MPDZ: variants seen among roughly 807,000 people sequenced by gnomAD.
The protein encoded by MPDZ is multiple PDZ domain crumbs cell polarity complex component.
Under a neutral mutation model 239.1 loss-of-function variants are expected in MPDZ, and 234 were observed. The observed-to-expected ratio is 0.98, with a 90% CI of 0.88 to 1.09. The LOEUF (loss-of-function observed/expected upper bound fraction) is 1.09, where lower values mean the gene tolerates loss of function less well. MPDZ is among the 50% of genes least tolerant of loss of function. The pLI is 0.00. For synonymous variants in MPDZ, 1,048 were observed against 881.3 expected (o/e 1.19, Z -3.35); for missense variants, 3,175 against 2,510.0 (o/e 1.26, Z -5.66).
intron 27 of MPDZ, among the ~76,000 whole-genome samples, chr9:13,141,501 T>C (rs992735662): frequency 2.6e-5 from 4 of 152,310 alleles, no homozygotes; most frequent in Non-Finnish European, 4.4e-5. Flanking sequence ...CTTGAACCTA[T>C]AGTTTTCCTA....
intron 1 of MPDZ, among the ~76,000 whole-genome samples, chr9:13,267,994 A>G (rs1972134117): frequency 6.6e-6 from 1 of 152,128 alleles, no homozygotes; most frequent in African/African-American, 2.4e-5. Context: ...TTTCCTTGTG[A>G]CTCAGTTGTC....
chr9:13,266,494 T>A (rs1187420748), intron 1 of MPDZ, among the ~76,000 whole-genome samples: 1 of 152,214 alleles, frequency 6.6e-6, no homozygotes, highest in Non-Finnish European at 1.5e-5. Flanking sequence ...GTGGAGTATT[T>A]AGCAATTCAG....
At chr9:13,168,798 A>T (rs2133914167) in intron 21 of MPDZ, among the ~76,000 whole-genome samples, 1 of 152,304 alleles carries the variant, frequency 6.6e-6, no homozygotes, top group East Asian at 1.9e-4. Flanking sequence ...ACAGATCTAC[A>T]TTGTGGAATG....
rs188272123 is a variant in MPDZ, at chr9:13,116,500, T to C, written c.5380-1166A>G. 2.5e-3 allele frequency among the ~76,000 whole-genome samples: 385 copies of C among 152,322 alleles called. 1 individual carries two copies. The highest frequency in any genetic ancestry group is 0.017 in the Middle Eastern group (5 of 294). Reference sequence around the variant, plus strand: ...TTATTCTGAAGATGTTGATCATGAATCATACTCTGAAAGGTCAAAACTTGA... The same window carrying C: ...TTATTCTGAAGATGTTGATCATGAACCATACTCTGAAAGGTCAAAACTTGA... On this transcript the variant is annotated intron_variant, in intron 39 of 46. Coordinates refer to ENST00000319217, the MANE Select transcript of MPDZ (RefSeq NM_001378778.1).
At chr9:13,221,957 C>G (rs1587909993) in intron 6 of MPDZ, among the ~76,000 whole-genome samples, 1 of 151,960 alleles carries the variant, frequency 6.6e-6, no homozygotes, top group Admixed American at 6.6e-5. Context: ...TTGTATCTGT[C>G]TACAGATAAA....
Position 13,196,110 on chromosome 9 carries a change from A to C in MPDZ, c.1656+11T>G, listed in dbSNP as rs930260993. The C allele has an allele frequency of 1.9e-6, 3 of 1,552,824 alleles. No homozygotes were observed. The highest frequency in any genetic ancestry group is 1.7e-4 in the Middle Eastern group (1 of 5,956). On this transcript the variant is annotated intron_variant, in intron 13 of 46. Coordinates refer to ENST00000319217, the MANE Select transcript of MPDZ (RefSeq NM_001378778.1). The stretch of plus-strand genomic sequence containing the variant: ...ACAAGTTAGAAAATTACAGAAGGTC[A>C]GCTAACCTACCACTATTTCATAGTT...
intron 10 of MPDZ, among the ~76,000 whole-genome samples, chr9:13,214,807 C>T (rs777363249): frequency 5.3e-5 from 8 of 151,902 alleles, no homozygotes; most frequent in South Asian, 2.1e-4. Flanking sequence ...AAGCTCACTT[C>T]GGGCATATAG....
chr9:13,113,764 T>C (rs1328768332), intron 41 of MPDZ, among the ~76,000 whole-genome samples, 167 bp downstream of exon 41: 1 of 152,210 alleles, frequency 6.6e-6, no homozygotes, highest in African/African-American at 2.4e-5. Flanking sequence ...AAAGCTGCCA[T>C]AGGCAGAACT....
rs770661585 is a variant in MPDZ, at chr9:13,221,414, A to G, written c.834T>C (p.Gly278=). ...CAGGCAGAATGGTTTTTACTATCACACCAGTTGCTTTTCCTCCTATGATGC... is the reference window on the plus strand; with the variant it reads ...CAGGCAGAATGGTTTTTACTATCACGCCAGTTGCTTTTCCTCCTATGATGC... The part of the protein sequence containing the change: ...GFGIIGGKAT[G]VIVKTILPGG... Residue 278 remains glycine, a synonymous_variant, in exon 7 of 47, where the codon GGT becomes GGC. Transcript: ENST00000319217. 6.2e-7 allele frequency: 1 copy of G among 1,611,262 alleles called. No homozygotes were observed. The highest frequency in any genetic ancestry group is 1.3e-5 in the African/African-American group (1 of 74,852).
chr9:13,201,301 A>G (rs1476110231), intron 12 of MPDZ, among the ~76,000 whole-genome samples: 2 of 151,952 alleles, frequency 1.3e-5, no homozygotes, highest in African/African-American at 2.4e-5. Flanking sequence ...GCAATATAGC[A>G]ATATTGGGGC....
intron 10 of MPDZ, among the ~76,000 whole-genome samples, chr9:13,210,246 A>G (rs916516593): frequency 2.6e-5 from 4 of 152,118 alleles, no homozygotes; most frequent in African/African-American, 7.2e-5. Context: ...GTGATGTATG[A>G]GAAAACAGAA....
intron 21 of MPDZ, among the ~76,000 whole-genome samples, chr9:13,171,096 C>T (rs1000957052): frequency 2.6e-5 from 4 of 152,078 alleles, no homozygotes; most frequent in African/African-American, 9.7e-5. Context: ...AGTTTACTTA[C>T]CTTTAAAAAG....
chr9:13,118,800 C>A (rs970989625), intron 39 of MPDZ, among the ~76,000 whole-genome samples: 1 of 152,152 alleles, frequency 6.6e-6, no homozygotes, highest in African/African-American at 2.4e-5. Flanking sequence ...TTCTGCCTTT[C>A]CAATCAGAAA....
Position 13,107,049 on chromosome 9 carries a change from C to T in MPDZ, c.6129G>A (p.Gln2043=), listed in dbSNP as rs1432642106. ...RGDQIIAVNG[Q]SLEGVTHEEA... ...CTTCATGGGTGACTCCTTCTAGACT[C>T]TGCCCATTGACAGCAATGATCTGAT... The change falls in exon 47 of 47, where the codon CAG becomes CAA. Residue 2043 remains glutamine, a synonymous_variant. Transcript: ENST00000319217. 12 of 1,610,788 alleles carry T rather than the reference C, an allele frequency of 7.4e-6. No homozygotes were observed. The South Asian group carries it at 1.2e-4, about 16-fold the overall frequency.
intron 35 of MPDZ, among the ~76,000 whole-genome samples, chr9:13,123,703 T>A (rs906567370): frequency 6.6e-6 from 1 of 152,192 alleles, no homozygotes; most frequent in Non-Finnish European, 1.5e-5. Flanking sequence ...AACTCATAAC[T>A]GAGATATGTG....
intron 24 of MPDZ, among the ~76,000 whole-genome samples, chr9:13,150,933 T>G (rs1311532917): frequency 6.6e-6 from 1 of 152,008 alleles, no homozygotes; most frequent in African/African-American, 2.4e-5. Context: ...GATAAGAGAT[T>G]CATAAGCTGA....
At chr9:13,259,118 A>G (rs1164627977) in intron 1 of MPDZ, among the ~76,000 whole-genome samples, 2 of 152,140 alleles carry the variant, frequency 1.3e-5, no homozygotes, top group African/African-American at 4.8e-5. Flanking sequence ...GCTAGCTTAG[A>G]AATAACAACA....
intron 22 of MPDZ, among the ~76,000 whole-genome samples, chr9:13,166,165 A>G (rs1951052288): frequency 6.6e-6 from 1 of 152,152 alleles, no homozygotes; most frequent in Admixed American, 6.6e-5. Context: ...GATCCAGGTA[A>G]TGAGCACAAA....
intron 39 of MPDZ, among the ~76,000 whole-genome samples, chr9:13,116,642 C>A (rs764400153): frequency 6.6e-6 from 1 of 152,074 alleles, no homozygotes; most frequent in African/African-American, 2.4e-5. Flanking sequence ...CAAGTCCATA[C>A]GTTATTCACT....
Sources: allele counts gnomAD v4.1 joint callset (sites outside exome capture counted in the v4.1 genomes callset), GRCh38; gene constraint gnomAD v4.1.1; transcripts MANE v1.5; gene names NCBI Gene and HGNC (gene_info 2026-07-23, HGNC 2026-07-21).